The following MYLK4 variants were observed in gnomAD, a reference collection of about 807,000 sequenced individuals.
MYLK4 encodes the protein myosin light chain kinase family member 4, also known as caMLCK like.
In MYLK4, 46 loss-of-function variants were observed where a neutral mutation model predicts 48.1. The ratio of observed to expected loss-of-function variants is 0.96; its 90% confidence interval spans 0.75 to 1.22. MYLK4 has a LOEUF of 1.22. MYLK4 is among the 50% of genes most tolerant of loss of function. MYLK4 has a pLI of 0.00. For synonymous variants in MYLK4, 170 were observed against 180.8 expected (o/e 0.94, Z 0.48); for missense variants, 451 against 486.1 (o/e 0.93, Z 0.68).
intron 3 of MYLK4, 50 bp from the exon 4 acceptor site, chr6:2,689,006 G>A (rs369010638): frequency 1.6e-5 from 23 of 1,458,344 alleles, no homozygotes; most frequent in African/African-American, 2.8e-5. Flanking sequence ...GTCTGACCTC[G>A]TTAAGGCAGC....
At position 2,741,593 on chromosome 6, in the gene MYLK4, T is replaced by C. The variant is rs538621683; in HGVS notation, c.159+7543A>G. 2.6e-5 allele frequency among the ~76,000 whole-genome samples: 4 copies of C among 152,332 alleles called. No individual in the cohort carries two copies. In the East Asian group the frequency reaches 7.7e-4, roughly 29 times the overall value. On this transcript the variant is annotated intron_variant, in intron 2 of 12. Coordinates refer to ENST00000274643, the MANE Select transcript of MYLK4 (RefSeq NM_001012418.5). ...ATGGATATAGAGCACATTCATATCA[T>C]AAATAGGATTCACTGATACCTCTAG...
the MYLK4 span, among the ~76,000 whole-genome samples, chr6:2,767,092 C>T: frequency 1.3e-5 from 2 of 152,122 alleles, no homozygotes; most frequent in Non-Finnish European, 2.9e-5. Flanking sequence ...CTCATAATGC[C>T]TTGTACTCTA....
chr6:2,683,361 T>G (rs1761391967), intron 6 of MYLK4, among the ~76,000 whole-genome samples, 199 bp from the exon 7 acceptor site: 1 of 150,008 alleles, frequency 6.7e-6, no homozygotes, highest in Non-Finnish European at 1.5e-5. Flanking sequence ...ATCTCACAAA[T>G]GGAAATCCTC....
At chr6:2,696,949 A>G (rs1237859804) in intron 2 of MYLK4, among the ~76,000 whole-genome samples, 1 of 152,168 alleles carries the variant, frequency 6.6e-6, no homozygotes, top group Non-Finnish European at 1.5e-5. Context: ...AGTCCCAGCT[A>G]TCAGGAGGCT....
At chr6:2,704,923 C>T (rs1051073692) in intron 2 of MYLK4, among the ~76,000 whole-genome samples, 2 of 152,224 alleles carry the variant, frequency 1.3e-5, no homozygotes, top group African/African-American at 4.8e-5. Flanking sequence ...AATGTCCCCT[C>T]AGCTTTAAAG....
At chr6:2,669,370 G>A (rs962050050) in intron 12 of MYLK4, among the ~76,000 whole-genome samples, 4 of 152,288 alleles carry the variant, frequency 2.6e-5, no homozygotes, top group South Asian at 2.1e-4. Context: ...CATTGGGTTC[G>A]AGGCACCCAT....
At chr6:2,764,410 A>G in the MYLK4 span, among the ~76,000 whole-genome samples, 2 of 152,194 alleles carry the variant, frequency 1.3e-5, no homozygotes, top group African/African-American at 4.8e-5. Context: ...AACGAGTGAG[A>G]CCCTCAATGT....
intron 12 of MYLK4, among the ~76,000 whole-genome samples, chr6:2,670,731 G>A (rs902149990): frequency 1.1e-4 from 16 of 152,210 alleles, no homozygotes; most frequent in South Asian, 8.3e-4. Flanking sequence ...CTTTGGGCTC[G>A]TAGAGCAGGC....
chr6:2,691,886 C>G (rs1319706110), intron 3 of MYLK4, among the ~76,000 whole-genome samples: 1 of 152,114 alleles, frequency 6.6e-6, no homozygotes, highest in Non-Finnish European at 1.5e-5. Context: ...TTGCTTCAAA[C>G]TCTCTTCATT....
Position 2,716,482 on chromosome 6 carries a change from A to G in MYLK4, c.160-23623T>C, listed in dbSNP as rs1762870376. 5.9e-5 allele frequency among the ~76,000 whole-genome samples: 9 copies of G among 152,208 alleles called. No homozygotes were observed. The South Asian group carries it at 1.9e-3, about 31-fold the overall frequency. ...GTTTGTTATGCAGATAGAAACTTAA[A>G]TCGGGGGCATCGAGTATTCTATTTC... On this transcript the variant is annotated intron_variant, in intron 2 of 12. Coordinates refer to ENST00000274643, the MANE Select transcript of MYLK4 (RefSeq NM_001012418.5).
intron 4 of MYLK4, among the ~76,000 whole-genome samples, chr6:2,686,150 A>C (rs1001218294): frequency 6.6e-6 from 1 of 151,956 alleles, no homozygotes; most frequent in Admixed American, 6.5e-5. Context: ...CTCCTGAGGC[A>C]GGAATCCAGG....
chr6:2,748,687 C>T (rs946891573), intron 2 of MYLK4, among the ~76,000 whole-genome samples: 1 of 152,208 alleles, frequency 6.6e-6, no homozygotes, highest in Non-Finnish European at 1.5e-5. Flanking sequence ...CAAGCCCCAC[C>T]GTCGTGCCAT....
At chr6:2,729,292 A>G (rs948306855) in intron 2 of MYLK4, among the ~76,000 whole-genome samples, 1 of 152,226 alleles carries the variant, frequency 6.6e-6, no homozygotes, top group Non-Finnish European at 1.5e-5. Context: ...CACTGGGGCC[A>G]GGAGGATGAG....
the MYLK4 span, chr6:2,768,993 G>A: frequency 4.6e-4 from 515 of 1,125,022 alleles, no homozygotes; most frequent in African/African-American, 7.3e-3. Context: ...ACAAAGAAGC[G>A]TAGGCTTGTG....
At chr6:2,743,920 C>G in intron 2 of MYLK4, 1 of 398,686 alleles carries the variant, frequency 2.5e-6, no homozygotes, top group Non-Finnish European at 4.4e-6. Flanking sequence ...GAGCAGGAGT[C>G]TGCCAGTGGC....
intron 2 of MYLK4, among the ~76,000 whole-genome samples, chr6:2,693,252 C>T (rs1761885687): frequency 6.6e-6 from 1 of 152,114 alleles, no homozygotes; most frequent in African/African-American, 2.4e-5. Context: ...TTCTGTAAAA[C>T]TGTCATTATG....
chr6:2,738,750 T>C (rs1763789070), intron 2 of MYLK4, among the ~76,000 whole-genome samples: 1 of 152,234 alleles, frequency 6.6e-6, no homozygotes, highest in Admixed American at 6.5e-5. Context: ...AAACTGTCCT[T>C]AGAAAATTCA....
intron 2 of MYLK4, among the ~76,000 whole-genome samples, chr6:2,738,837 C>T (rs1763791878): frequency 6.6e-6 from 1 of 152,168 alleles, no homozygotes; most frequent in African/African-American, 2.4e-5. Context: ...ACAGTAGATA[C>T]ATGTTATTAT....
At chr6:2,766,469 C>T in the MYLK4 span, 12 of 1,482,102 alleles carry the variant, frequency 8.1e-6, no homozygotes, top group East Asian at 2.6e-5. Context: ...GGCCGTTGGG[C>T]TTCCGTAGTT....
Sources: gnomAD v4.1 joint callset for allele counts (sites outside exome capture counted in the v4.1 genomes callset) on GRCh38, gnomAD v4.1.1 for gene constraint, MANE v1.5 for transcripts, NCBI Gene and HGNC (gene_info 2026-07-23, HGNC 2026-07-21) for gene names.